PGCKA1: variants seen among roughly 807,000 people sequenced by gnomAD.
PGCKA1 encodes PDCD10 and GCKIII kinases associated 1.
At chr4:37,548,223 A>T in the PGCKA1 span, among the ~76,000 whole-genome samples, 1 of 152,272 alleles carries the variant, frequency 6.6e-6, no homozygotes, top group Non-Finnish European at 1.5e-5. Flanking sequence ...ATTTAAAAGT[A>T]ATAAGGCCTC....
chr4:37,584,634 A>G, the PGCKA1 span, among the ~76,000 whole-genome samples: 1 of 152,134 alleles, frequency 6.6e-6, no homozygotes. Context: ...TACGGCTGTT[A>G]AATCTCAGCA....
At chr4:37,484,379 G>A in the PGCKA1 span, among the ~76,000 whole-genome samples, 9 of 152,270 alleles carry the variant, frequency 5.9e-5, no homozygotes, top group East Asian at 7.7e-4. Flanking sequence ...TCACTACCAC[G>A]AGAACAGTAT....
At chr4:37,562,580 G>A in the PGCKA1 span, among the ~76,000 whole-genome samples, 2 of 152,210 alleles carry the variant, frequency 1.3e-5, no homozygotes, top group African/African-American at 4.8e-5. Flanking sequence ...GGCAGTGGGA[G>A]TGCACATAGT....
chr4:37,556,171 C>G, the PGCKA1 span, among the ~76,000 whole-genome samples: 1 of 152,226 alleles, frequency 6.6e-6, no homozygotes, highest in African/African-American at 2.4e-5. Context: ...TCTGCCTCAT[C>G]TCTGTCACAT....
chr4:37,565,216 G>T, the PGCKA1 span, among the ~76,000 whole-genome samples: 1 of 152,142 alleles, frequency 6.6e-6, no homozygotes, highest in African/African-American at 2.4e-5. Flanking sequence ...TTTCATTCTA[G>T]TCATTCACAC....
At chr4:37,525,818 G>A in the PGCKA1 span, among the ~76,000 whole-genome samples, 1 of 152,078 alleles carries the variant, frequency 6.6e-6, no homozygotes. Context: ...AGTAGTGTCT[G>A]TTTTTAGAAT....
chr4:37,552,091 G>A, the PGCKA1 span, among the ~76,000 whole-genome samples: 1 of 152,146 alleles, frequency 6.6e-6, no homozygotes, highest in Non-Finnish European at 1.5e-5. Flanking sequence ...GCAGCCCGGG[G>A]CCAGGCCCAA....
At chr4:37,589,001 G>T in the PGCKA1 span, 1 of 854,910 alleles carries the variant, frequency 1.2e-6, no homozygotes. Context: ...TCCAGCTTGG[G>T]GCATGATCAA....
At chr4:37,566,008 C>G in the PGCKA1 span, among the ~76,000 whole-genome samples, 2 of 152,182 alleles carry the variant, frequency 1.3e-5, no homozygotes, top group Non-Finnish European at 2.9e-5. Context: ...ACTCCACGTT[C>G]TTCAGTTTTG....
chr4:37,590,803 G>A, the PGCKA1 span: 1 of 1,614,166 alleles, frequency 6.2e-7, no homozygotes, highest in Non-Finnish European at 8.5e-7. Flanking sequence ...GGAAACAGAA[G>A]TTCTAAGCAT....
At chr4:37,584,609 G>C in the PGCKA1 span, among the ~76,000 whole-genome samples, 1 of 152,288 alleles carries the variant, frequency 6.6e-6, no homozygotes, top group South Asian at 2.1e-4. Flanking sequence ...AAGCAGGGAA[G>C]GGGCAGTTTT....
At chr4:37,588,972 C>A in the PGCKA1 span, 9 of 1,127,018 alleles carry the variant, frequency 8.0e-6, no homozygotes, top group South Asian at 3.7e-5. Flanking sequence ...AAAGACCATG[C>A]GTGTATTCAG....
At chr4:37,542,795 T>C in the PGCKA1 span, among the ~76,000 whole-genome samples, 2 of 152,342 alleles carry the variant, frequency 1.3e-5, no homozygotes, top group East Asian at 3.9e-4. Flanking sequence ...AACTCCATTT[T>C]CATAGTGTTT....
At chr4:37,572,137 A>G in the PGCKA1 span, among the ~76,000 whole-genome samples, 1 of 128,508 alleles carries the variant, frequency 7.8e-6, no homozygotes, top group Non-Finnish European at 1.6e-5. Flanking sequence ...ATCTCGGCTC[A>G]CTGCAAGCTC....
At chr4:37,495,222 G>A in the PGCKA1 span, among the ~76,000 whole-genome samples, 1 of 152,002 alleles carries the variant, frequency 6.6e-6, no homozygotes, top group Non-Finnish European at 1.5e-5. Context: ...TTCTTAAAAA[G>A]TCAGGAAATA....
chr4:37,575,169 C>T, the PGCKA1 span, among the ~76,000 whole-genome samples: 2 of 152,120 alleles, frequency 1.3e-5, no homozygotes, highest in East Asian at 3.8e-4. Context: ...TCTGAGAAAC[C>T]TCAAAACTAT....
At chr4:37,573,735 A>G in the PGCKA1 span, among the ~76,000 whole-genome samples, 14 of 152,120 alleles carry the variant, frequency 9.2e-5, no homozygotes, top group Non-Finnish European at 2.1e-4. Flanking sequence ...CATACTACTA[A>G]TTTTATCCTT....
the PGCKA1 span, among the ~76,000 whole-genome samples, chr4:37,465,961 G>A: frequency 7.2e-5 from 11 of 152,216 alleles, no homozygotes; most frequent in Admixed American, 1.3e-4. Context: ...GCTTTGAACC[G>A]GCCACTGAAT....
chr4:37,486,083 A>G, the PGCKA1 span, among the ~76,000 whole-genome samples: 27 of 152,306 alleles, frequency 1.8e-4, no homozygotes, highest in Non-Finnish European at 2.6e-4. Flanking sequence ...TTTTCCTAGT[A>G]GATATTTACT....
Sources: gnomAD v4.1 joint callset for allele counts (sites outside exome capture counted in the v4.1 genomes callset) on GRCh38, gnomAD v4.1.1 for gene constraint, MANE v1.5 for transcripts, NCBI Gene and HGNC (gene_info 2026-07-23, HGNC 2026-07-21) for gene names.